PLPPR4: variants seen among roughly 807,000 people sequenced by gnomAD.
PLPPR4 encodes phospholipid phosphatase-related protein type 4.
In PLPPR4, 24 loss-of-function variants were observed where a neutral mutation model predicts 56.6. The ratio of observed to expected loss-of-function variants is 0.42; its 90% CI spans 0.31 to 0.60. The LOEUF (loss-of-function observed/expected upper bound fraction) is 0.60, where lower values mean the gene tolerates loss of function less well. Among genes scored for constraint, PLPPR4 ranks in the 20% least tolerant of loss-of-function variants. PLPPR4 has a pLI of 0.13. For synonymous variants in PLPPR4, 326 were observed against 328.1 expected, an observed-to-expected ratio of 0.99 and a Z score of 0.07; for missense variants, 654 against 885.8, an observed-to-expected ratio of 0.74 and a Z score of 3.32.
intron 4 of PLPPR4, among the ~76,000 whole-genome samples, chr1:99,300,400 G>A (rs1434184203): frequency 6.6e-6 from 1 of 151,828 alleles, no homozygotes; most frequent in Non-Finnish European, 1.5e-5. Flanking sequence ...GAAACATTTT[G>A]TTAAAATTAG....
In PLPPR4 at chr1:99,280,588, T is replaced by A. The variant is rs116653994; in HGVS notation, c.79-7377T>A. On this transcript the variant is annotated intron_variant, in intron 1 of 6. Coordinates refer to ENST00000370185, the MANE Select transcript of PLPPR4 (RefSeq NM_014839.5). ...GTTGGTAATATGTAAATAACTATAATCAAAGGCAGACTAACAGATCCTTCG... is the reference window on the plus strand; with the variant it reads ...GTTGGTAATATGTAAATAACTATAAACAAAGGCAGACTAACAGATCCTTCG... Among the ~76,000 whole-genome samples the A allele has an allele frequency of 9.5e-3, 1,452 of 152,260 alleles. 24 individuals are homozygous for A. Among genetic ancestry groups the A allele is most frequent in the African/African-American group, 0.033 (1,390 of 41,554 alleles).
chr1:99,300,871 G>C, intron 4 of PLPPR4, 38 bp from the exon 5 acceptor site: 1 of 1,517,042 alleles, frequency 6.6e-7, no homozygotes, highest in Non-Finnish European at 9.2e-7. Context: ...CAGTGTATCT[G>C]AACTACAAGG....
intron 2 of PLPPR4, among the ~76,000 whole-genome samples, chr1:99,289,092 C>CA (rs1315358480): frequency 6.6e-6 from 1 of 152,048 alleles, no homozygotes; most frequent in East Asian, 1.9e-4. Context: ...TCTTTTGCCC[C>CA]AAAAATACTA....
At chr1:99,264,192 C>T (rs1570901362), upstream of PLPPR4, 7 of 522,546 alleles carry the variant, frequency 1.3e-5, no homozygotes, top group East Asian at 2.0e-4. Context: ...ACTGCAGAAA[C>T]CAGGAGTGCG....
Position 99,308,589 on chromosome 1 carries a change from G to A in PLPPR4, c.*1579G>A, listed in dbSNP as rs1291342342. On this transcript the variant is annotated 3_prime_UTR_variant, in exon 7 of 7. Transcript: ENST00000370185. ...ATGAAAGGAAACAACAGAGATGGTT[G>A]ATCTGATCTTAGCTCACTTTCCAAT... The A allele has an allele frequency of 6.6e-6, 1 of 152,564 alleles. No individual in the cohort carries two copies. Among genetic ancestry groups the A allele is most frequent in the East Asian group, 1.9e-4 (1 of 5,188 alleles). The allele number at this position is 152,564 out of a possible 1,614,324, so 9.5% of individuals were successfully genotyped here.
Position 99,307,651 on chromosome 1 carries a change from T to G in PLPPR4, c.*641T>G, listed in dbSNP as rs1388195770. ...TCACAGTCAAAAAATGAAAAGGTTT[T>G]TGTGCGTTTCTTCAAAATTCTGCTT... On this transcript the variant is annotated 3_prime_UTR_variant, in exon 7 of 7. Coordinates refer to ENST00000370185, the MANE Select transcript of PLPPR4 (RefSeq NM_014839.5). 6.6e-6 allele frequency: 1 copy of G among 152,200 alleles called. No individual in the cohort carries two copies. Among genetic ancestry groups the G allele is most frequent in the Non-Finnish European group, 1.5e-5 (1 of 68,032 alleles). The allele number at this position is 152,200 out of a possible 1,614,324, so 9.4% of individuals were successfully genotyped here. A position where few individuals can be genotyped will look rare whatever the true frequency, so the allele number is the denominator to read the frequency against.
chr1:99,278,292 ATCATGTAATC>A (rs146943697), intron 1 of PLPPR4, among the ~76,000 whole-genome samples: 2,213 of 152,224 alleles, frequency 0.015, 26 homozygotes, highest in African/African-American at 0.038. Flanking sequence ...CCTCATACAA[ATCATGTAATC>A]TCATGTAATC....
intron 5 of PLPPR4, 72 bp from the exon 6 acceptor site, chr1:99,301,652 C>T: frequency 9.0e-7 from 1 of 1,115,492 alleles, no homozygotes; most frequent in Non-Finnish European, 1.3e-6. Context: ...AGACTTTTAA[C>T]TTTTATTTGA....
chr1:99,264,217 T>G, upstream of PLPPR4: 1 of 530,084 alleles, frequency 1.9e-6, no homozygotes, highest in Non-Finnish European at 3.3e-6. Flanking sequence ...CCTTTTCGGA[T>G]TCTTGACGTC....
upstream of PLPPR4, among the ~76,000 whole-genome samples, chr1:99,263,370 G>A (rs1215947196): frequency 1.3e-5 from 2 of 152,216 alleles, no homozygotes; most frequent in South Asian, 4.1e-4. Flanking sequence ...GTGGGGGCAA[G>A]AGGTGGTGTT....
In PLPPR4 at chr1:99,299,666, A is replaced by G. The variant is rs146232332; in HGVS notation, c.590+436A>G. The stretch of plus-strand genomic sequence containing the variant: ...AAAATGTGAATTTTCCTTTTTGTAA[A>G]GTTTGAGGAGGGGTAACATCTAAGA... On this transcript the variant is annotated intron_variant, in intron 4 of 6. Coordinates refer to ENST00000370185, the MANE Select transcript of PLPPR4 (RefSeq NM_014839.5). Among the ~76,000 whole-genome samples the G allele has an allele frequency of 2.5e-3, 379 of 152,060 alleles. 2 individuals are homozygous for G. Among genetic ancestry groups the G allele is most frequent in the African/African-American group, 8.9e-3 (370 of 41,542 alleles).
At position 99,296,468 on chromosome 1, in the gene PLPPR4, G is replaced by A. The variant is rs115794783; in HGVS notation, c.265-270G>A. Among the ~76,000 whole-genome samples the A allele has an allele frequency of 4.3e-3, 660 of 152,168 alleles. 3 individuals are homozygous for A. Among genetic ancestry groups the A allele is most frequent in the South Asian group, 0.02 (95 of 4,812 alleles). The stretch of plus-strand genomic sequence containing the variant: ...GATCCTTCTGCTCAATCCCAAATTG[G>A]TTTATGGACCTAATCTGCTGGTAAA... On this transcript the variant is annotated intron_variant, in intron 2 of 6. Transcript: ENST00000370185.
intron 1 of PLPPR4, among the ~76,000 whole-genome samples, chr1:99,274,429 A>C (rs992954440): frequency 1.3e-5 from 2 of 152,102 alleles, no homozygotes; most frequent in East Asian, 1.9e-4. Flanking sequence ...CATCTTGTCT[A>C]AAGTAAACTT....
intron 2 of PLPPR4, among the ~76,000 whole-genome samples, chr1:99,293,259 A>G (rs1371840952): frequency 6.6e-6 from 1 of 152,158 alleles, no homozygotes; most frequent in African/African-American, 2.4e-5. Flanking sequence ...TGCTTCCCAG[A>G]TTTTTTTAAT....
intron 1 of PLPPR4, among the ~76,000 whole-genome samples, chr1:99,285,038 T>A (rs1484506922): frequency 2.0e-5 from 3 of 152,238 alleles, no homozygotes; most frequent in Non-Finnish European, 4.4e-5. Context: ...TAAAGCTTCA[T>A]GAGAAAGGTG....
intron 1 of PLPPR4, among the ~76,000 whole-genome samples, chr1:99,286,619 T>A (rs922885374): frequency 1.3e-5 from 2 of 152,032 alleles, no homozygotes; most frequent in Admixed American, 6.6e-5. Flanking sequence ...CATTAAATGA[T>A]GTAAAGAAGC....
upstream of PLPPR4, chr1:99,264,421 A>G: frequency 6.9e-7 from 1 of 1,455,644 alleles, no homozygotes; most frequent in Non-Finnish European, 9.0e-7. Flanking sequence ...TTGCTGCAAA[A>G]AGGGGCGGGG....
chr1:99,291,875 T>C (rs1659630475), intron 2 of PLPPR4, among the ~76,000 whole-genome samples: 1 of 152,060 alleles, frequency 6.6e-6, no homozygotes. Flanking sequence ...TGTTCACCTA[T>C]ATAACAAACC....
At chr1:99,281,883 TC>T (rs1186900462) in intron 1 of PLPPR4, among the ~76,000 whole-genome samples, 1 of 152,196 alleles carries the variant, frequency 6.6e-6, no homozygotes, top group African/African-American at 2.4e-5. Flanking sequence ...TTAGAATAGC[TC>T]TTGCATATGT....
Sources: gnomAD v4.1 joint callset for allele counts (sites outside exome capture counted in the v4.1 genomes callset) on GRCh38, gnomAD v4.1.1 for gene constraint, MANE v1.5 for transcripts, NCBI Gene and HGNC (gene_info 2026-07-23, HGNC 2026-07-21) for gene names.